Variants in NRBP2 observed in about 807,000 individuals in gnomAD.
NRBP2 encodes nuclear receptor-binding protein 2.
NRBP2 carries 47 observed loss-of-function variants against 74.4 expected under a neutral mutation model. That is an observed-to-expected ratio of 0.63 (90% CI 0.50 to 0.81). NRBP2 has a LOEUF of 0.81. Ranked by LOEUF, NRBP2 falls within the 30% of genes least tolerant of loss-of-function variation. The pLI is 0.00. For missense variants in NRBP2, 613 were observed against 690.1 expected (o/e 0.89, Z 1.25); for synonymous variants, 312 against 273.8 (o/e 1.14, Z -1.38).
chr8:143,837,057 A>C lies in NRBP2; in HGVS notation c.1245T>G (p.Phe415Leu), dbSNP rs782176474. 1 of 1,611,104 alleles carries C rather than the reference A, an allele frequency of 6.2e-7. No individual in the cohort carries two copies. The highest frequency in any genetic ancestry group is 1.7e-5 in the Admixed American group (1 of 59,004). ...GACTCACCTTTCTGGTCTCAGAGTCAAAGGGCTCTGGCGTCGGGGTCTTGG... is the reference window on the plus strand; with the variant it reads ...GACTCACCTTTCTGGTCTCAGAGTCCAAGGGCTCTGGCGTCGGGGTCTTGG... ...QKAKTPTPEP[F>L]DSETRKVIQM... Residue 415 changes from phenylalanine (F) to leucine (L), a missense_variant, in exon 14 of 18, where the codon TTT becomes TTG. This residue lies in a region of NRBP2 where 281 missense variants were observed against 260.9 expected (regional missense o/e 1.08). Transcript: ENST00000442628. This position sits in a 1 kb window ranked among gnomAD's most constrained non-coding sequence, Gnocchi z 4.3.
chr8:143,836,222 G>A (rs1818376263), intron 14 of NRBP2, 42 bp from the exon 15 acceptor site: 1 of 1,496,348 alleles, frequency 6.7e-7, no homozygotes, highest in Non-Finnish European at 8.9e-7. Context: ...CCAGCAGCAA[G>A]ACCACATGCC....
chr8:143,830,708 G>C (rs1554650006), downstream of NRBP2, among the ~76,000 whole-genome samples: 1 of 152,216 alleles, frequency 6.6e-6, no homozygotes, highest in African/African-American at 2.4e-5. Flanking sequence ...CTTCAATGCA[G>C]CTGGACAGCC....
In NRBP2 at chr8:143,840,632, C is replaced by T; in HGVS notation, c.129+74G>A. 7.6e-7 allele frequency: 1 copy of T among 1,315,164 alleles called. No homozygotes were observed. The allele number at this position is 1,315,164 out of a possible 1,614,324, so 81.5% of individuals were successfully genotyped here. ...CCGCCGCGCTCTCCCAGCGCCCCCACGCCCCGCGCAGCCTCCAGGCCCCTC... is the reference window on the plus strand; with the variant it reads ...CCGCCGCGCTCTCCCAGCGCCCCCATGCCCCGCGCAGCCTCCAGGCCCCTC... On this transcript the variant is annotated intron_variant, in intron 1 of 17. Coordinates refer to ENST00000442628, the MANE Select transcript of NRBP2 (RefSeq NM_178564.4). This position sits in a 1 kb window ranked among gnomAD's most constrained non-coding sequence, Gnocchi z 5.7.
rs1818648369 is a variant in NRBP2, at chr8:143,840,542, C to T, written c.129+164G>A. On this transcript the variant is annotated intron_variant, in intron 1 of 17. Coordinates refer to ENST00000442628, the MANE Select transcript of NRBP2 (RefSeq NM_178564.4). The surrounding 1 kb of genome is among the most constrained non-coding windows in gnomAD (Gnocchi z 5.7). The stretch of plus-strand genomic sequence containing the variant: ...CCCTCAGGGAGTCCCAGGGCGAGCG[C>T]CAGGCCAAAGGGGTCCAGGGGTGGC... 9.3e-6 allele frequency: 7 copies of T among 755,780 alleles called. No individual in the cohort carries two copies. The Admixed American group carries it at 2.2e-4, about 24-fold the overall frequency. The allele number at this position is 755,780 out of a possible 1,614,324, so 46.8% of individuals were successfully genotyped here.
intron 14 of NRBP2, 59 bp from the exon 15 acceptor site, chr8:143,836,239 C>A: frequency 6.8e-7 from 1 of 1,462,162 alleles, no homozygotes. Flanking sequence ...TGCCGCGGCC[C>A]CAAAGGGGCC....
Position 143,839,546 on chromosome 8 carries a change from A to G in NRBP2, c.448T>C (p.Trp150Arg), listed in dbSNP as rs1166673439. Residue 150 changes from tryptophan to arginine, a missense_variant, in exon 5 of 18, where the codon TGG (tryptophan) becomes CGG (arginine). By Grantham distance (101) the Trp-to-Arg change is moderately radical (BLOSUM62 -3). Coordinates refer to ENST00000442628, the MANE Select transcript of NRBP2 (RefSeq NM_178564.4). This position sits in a 1 kb window ranked among gnomAD's most constrained non-coding sequence, Gnocchi z 5.1. Reference protein sequence around the residue: ...KNHKAMNARAWKRWCTQILSA... With the variant: ...KNHKAMNARARKRWCTQILSA... Reference sequence around the variant, plus strand: ...AGGATCTGCGTGCACCAGCGCTTCCAGGCCTGGCGGCGGACGCACGACTCC... The same window carrying G: ...AGGATCTGCGTGCACCAGCGCTTCCGGGCCTGGCGGCGGACGCACGACTCC... The G allele has an allele frequency of 1.3e-6, 2 of 1,531,074 alleles. No homozygotes were observed. Among genetic ancestry groups the G allele is most frequent in the Non-Finnish European group, 8.7e-7 (1 of 1,144,954 alleles). 94.8% of individuals were successfully genotyped at this position (1,531,074 alleles called of 1,614,324 possible). A position where few individuals can be genotyped will look rare whatever the true frequency, so the allele number is the denominator to read the frequency against.
chr8:143,839,146 C>A lies in NRBP2; in HGVS notation c.604+26G>T. ...GAGCGGGCGGGGACCTCTCCAGGAC[C>A]CCGTCCCCCCAAAGTCCGCACTTAC... On this transcript the variant is annotated intron_variant, in intron 7 of 17. Coordinates refer to ENST00000442628, the MANE Select transcript of NRBP2 (RefSeq NM_178564.4). The surrounding 1 kb of genome is among the most constrained non-coding windows in gnomAD (Gnocchi z 5.1). The A allele has an allele frequency of 6.6e-7, 1 of 1,516,002 alleles. No individual in the cohort carries two copies. The highest frequency in any genetic ancestry group is 8.8e-7 in the Non-Finnish European group (1 of 1,134,824). The allele number at this position is 1,516,002 out of a possible 1,614,324, so 93.9% of individuals were successfully genotyped here. A position where few individuals can be genotyped will look rare whatever the true frequency, so the allele number is the denominator to read the frequency against.
At chr8:143,831,707 A>G (rs1554650313), downstream of NRBP2, among the ~76,000 whole-genome samples, 1 of 152,240 alleles carries the variant, frequency 6.6e-6, no homozygotes, top group Admixed American at 6.5e-5. Context: ...GCAGAGATAA[A>G]TCAAGAAAAT....
In NRBP2 at chr8:143,839,941, C is replaced by G. The variant is rs1818621712; in HGVS notation, c.342G>C (p.Glu114Asp). 1 of 1,536,168 alleles carries G rather than the reference C, an allele frequency of 6.5e-7. No homozygotes were observed. The stretch of plus-strand genomic sequence containing the variant: ...TGCCCGTGCTCACCCTCGCGCAGGC[C>G]TCAGAGGTATCCAGCCAGTACTTGT... The part of the protein sequence containing the change: ...KLHKYWLDTS[E>D]ACARVIFITE... The change falls in exon 3 of 18, where the codon GAG becomes GAC. Residue 114 changes from glutamate to aspartate, a missense_variant. Glu to Asp is a conservative substitution (Grantham distance 45, BLOSUM62 2). This residue lies in a region of NRBP2 where 332 missense variants were observed against 429.2 expected (regional missense o/e 0.77). Coordinates refer to ENST00000442628, the MANE Select transcript of NRBP2 (RefSeq NM_178564.4). The surrounding 1 kb of genome is among the most constrained non-coding windows in gnomAD (Gnocchi z 5.1).
intron 10 of NRBP2, 134 bp downstream of exon 10, chr8:143,838,546 G>T: frequency 1.5e-6 from 1 of 670,052 alleles, no homozygotes; most frequent in Admixed American, 2.4e-5. Flanking sequence ...GGTCCTCTTT[G>T]GGAGGGGTGC....
chr8:143,837,430 G>A lies in NRBP2; in HGVS notation c.1053C>T (p.Pro351=), dbSNP rs781953884. 1 of 1,606,580 alleles carries A rather than the reference G, an allele frequency of 6.2e-7. No individual in the cohort carries two copies. Among genetic ancestry groups the A allele is most frequent in the Non-Finnish European group, 8.5e-7 (1 of 1,177,746 alleles). Residue 351 remains proline, a synonymous_variant, in exon 12 of 18, where the codon CCC becomes CCT. Coordinates refer to ENST00000442628, the MANE Select transcript of NRBP2 (RefSeq NM_178564.4). This position sits in a 1 kb window ranked among gnomAD's most constrained non-coding sequence, Gnocchi z 4.3. ...ACCGCCACTGCAGCGGGGGCCTGCG[G>A]GGCCGGGGAAGCTCCGCCAAGACCG... ...LHAVLAELPR[P]RRPPLQWRYS...
In NRBP2 at chr8:143,837,989, C is replaced by A; in HGVS notation, c.841-234G>T. ...AGCACCATGCTCTGCTTCCCTCGACCCCCAAAAAATCGTGGGGAGAAGCCA... is the reference window on the plus strand; with the variant it reads ...AGCACCATGCTCTGCTTCCCTCGACACCCAAAAAATCGTGGGGAGAAGCCA... On this transcript the variant is annotated intron_variant, in intron 10 of 17. Coordinates refer to ENST00000442628, the MANE Select transcript of NRBP2 (RefSeq NM_178564.4). The surrounding 1 kb of genome is among the most constrained non-coding windows in gnomAD (Gnocchi z 4.3). The A allele has an allele frequency of 1.4e-6, 1 of 702,278 alleles. No individual in the cohort carries two copies. The highest frequency in any genetic ancestry group is 2.6e-6 in the Non-Finnish European group (1 of 387,374). The allele number at this position is 702,278 out of a possible 1,614,324, so 43.5% of individuals were successfully genotyped here.
Position 143,835,378 on chromosome 8 carries a change from G to GT in NRBP2, c.*283dup, listed in dbSNP as rs1330401754. On this transcript the variant is annotated 3_prime_UTR_variant, in exon 18 of 18. Coordinates refer to ENST00000442628, the MANE Select transcript of NRBP2 (RefSeq NM_178564.4). The surrounding 1 kb of genome is among the most constrained non-coding windows in gnomAD (Gnocchi z 4.9). Reference sequence around the variant, plus strand: ...CAGTGGCCCCGGCCAGGCAGCCTGGGTAGGAACTCAGGGCGGAGAATGGAG... The same window carrying GT: ...CAGTGGCCCCGGCCAGGCAGCCTGGGTTAGGAACTCAGGGCGGAGAATGGAG... 4 of 543,796 alleles carry GT rather than the reference G, an allele frequency of 7.4e-6. No homozygotes were observed. The highest frequency in any genetic ancestry group is 1.3e-5 in the Non-Finnish European group (4 of 304,884). 33.7% of individuals were successfully genotyped at this position (543,796 alleles called of 1,614,324 possible).
downstream of NRBP2, among the ~76,000 whole-genome samples, chr8:143,830,956 C>A (rs782198597): frequency 4.6e-5 from 7 of 152,186 alleles, no homozygotes; most frequent in Non-Finnish European, 8.8e-5. Context: ...AATGACAGAA[C>A]CAGATAGCTG....
At position 143,838,702 on chromosome 8, in the gene NRBP2, G is replaced by A. The variant is rs1818541670; in HGVS notation, c.818C>T (p.Ser273Leu). The stretch of plus-strand genomic sequence containing the variant: ...TACCCGCATGTTGGGGTCACTCAGC[G>A]AGTGCCTGGCGCGAGCAATGGCCTC... ...TEEAIARARHSLSDPNMREFI... is the reference protein window; with the variant it reads ...TEEAIARARHLLSDPNMREFI... Residue 273 changes from serine (S) to leucine (L), a missense_variant, in exon 10 of 18, where the codon TCG (serine) becomes TTG (leucine). Ser to Leu is a moderately radical substitution (Grantham distance 145, BLOSUM62 -2). Transcript: ENST00000442628. 1.9e-6 allele frequency: 3 copies of A among 1,611,250 alleles called. No homozygotes were observed. Among genetic ancestry groups the A allele is most frequent in the Non-Finnish European group, 2.5e-6 (3 of 1,178,774 alleles).
chr8:143,837,972 G>T lies in NRBP2; in HGVS notation c.841-217C>A. On this transcript the variant is annotated intron_variant, in intron 10 of 17. Transcript: ENST00000442628. This position sits in a 1 kb window ranked among gnomAD's most constrained non-coding sequence, Gnocchi z 4.3. ...CTGGGTTCTGGGATTGGAGCACCATGCTCTGCTTCCCTCGACCCCCAAAAA... is the reference window on the plus strand; with the variant it reads ...CTGGGTTCTGGGATTGGAGCACCATTCTCTGCTTCCCTCGACCCCCAAAAA... 1.4e-6 allele frequency: 1 copy of T among 712,604 alleles called. No individual in the cohort carries two copies. Among genetic ancestry groups the T allele is most frequent in the Non-Finnish European group, 2.5e-6 (1 of 395,248 alleles). 44.1% of individuals were successfully genotyped at this position (712,604 alleles called of 1,614,324 possible).
Position 143,838,739 on chromosome 8 carries a change from G to T in NRBP2, c.781C>A (p.Arg261=). 1 of 1,613,248 alleles carries T rather than the reference G, an allele frequency of 6.2e-7. No homozygotes were observed. The change falls in exon 10 of 18, where the codon CGG becomes AGG. Residue 261 remains arginine, a synonymous_variant. Coordinates refer to ENST00000442628, the MANE Select transcript of NRBP2 (RefSeq NM_178564.4). ...VLEIQTNGDT[R]VTEEAIARAR... ...CGAGCAATGGCCTCCTCTGTGACCC[G>T]GGTGTCCCCATTGGTCTGGATTTCC...
intron 10 of NRBP2, 47 bp downstream of exon 10, chr8:143,838,633 G>T: frequency 7.0e-7 from 1 of 1,436,846 alleles, no homozygotes; most frequent in Non-Finnish European, 9.6e-7. Context: ...GCTAGCCCTA[G>T]CTGAGCACGG....
rs1818666078 is a variant in NRBP2 at position 143,840,913 on chromosome 8, C to T, written c.-79G>A. 1 of 1,212,528 alleles carries T rather than the reference C, an allele frequency of 8.2e-7. No homozygotes were observed. Among genetic ancestry groups the T allele is most frequent in the Non-Finnish European group, 1.0e-6 (1 of 979,338 alleles). 75.1% of individuals were successfully genotyped at this position (1,212,528 alleles called of 1,614,324 possible). A position where few individuals can be genotyped will look rare whatever the true frequency, so the allele number is the denominator to read the frequency against. The stretch of plus-strand genomic sequence containing the variant: ...TCTCCCGGCCCGCCCTGGCCTCGCG[C>T]CCAGCAGCCCAGCCTAGAGCCGCCG... On this transcript the variant is annotated 5_prime_UTR_variant, in exon 1 of 18. Coordinates refer to ENST00000442628, the MANE Select transcript of NRBP2 (RefSeq NM_178564.4). This position sits in a 1 kb window ranked among gnomAD's most constrained non-coding sequence, Gnocchi z 5.7.
Sources: allele counts gnomAD v4.1 joint callset (sites outside exome capture counted in the v4.1 genomes callset), GRCh38; gene constraint gnomAD v4.1.1; regional missense constraint gnomAD v4.1.1; non-coding constraint Gnocchi (gnomAD v3.1); transcripts MANE v1.5; gene names NCBI Gene and HGNC (gene_info 2026-07-23, HGNC 2026-07-21).